The following COPG2 variants were observed in gnomAD, a reference collection of about 807,000 sequenced individuals.
The protein encoded by COPG2 is coat protein complex I subunit gamma 2, also known as coatomer subunit gamma-2.
In COPG2, 37 loss-of-function variants were observed where a neutral mutation model predicts 46.3. That is an observed-to-expected ratio of 0.80 (90% CI 0.61 to 1.05). The LOEUF (loss-of-function observed/expected upper bound fraction) is 1.05, where lower values mean the gene tolerates loss of function less well. Ranked by LOEUF, COPG2 falls within the 50% of genes least tolerant of loss-of-function variation. The pLI, the probability that COPG2 is intolerant of heterozygous loss-of-function variation, is 0.00. For missense variants in COPG2, 427 were observed against 387.8 expected (o/e 1.10, Z -0.85); for synonymous variants, 159 against 129.7 (o/e 1.23, Z -1.53).
At position 130,591,092 on chromosome 7, in the gene COPG2, G is replaced by C. The variant is rs587687194; in HGVS notation, c.737+19861C>G. Among the ~76,000 whole-genome samples, 92 of 133,684 alleles carry C rather than the reference G, an allele frequency of 6.9e-4. 1 individual carries two copies. Among genetic ancestry groups the C allele is most frequent in the African/African-American group, 2.3e-3 (92 of 39,654 alleles). The allele number at this position is 133,684 out of a possible 152,430, so 87.7% of individuals were successfully genotyped here. On this transcript the variant is annotated intron_variant, in intron 9 of 23. Transcript: ENST00000425248. ...CAGCCGCCCCGTCCAGAAGGGAGGT[G>C]GGGGGGTCAGCCCCCCGCCCGGCCA...
chr7:130,555,689 T>C (rs1478017261), intron 12 of COPG2, among the ~76,000 whole-genome samples: 1 of 151,850 alleles, frequency 6.6e-6, no homozygotes, highest in Non-Finnish European at 1.5e-5. Context: ...ATTAGCCAGG[T>C]GTGGTGGCGT....
intron 12 of COPG2, among the ~76,000 whole-genome samples, chr7:130,560,799 A>C: frequency 6.6e-6 from 1 of 152,378 alleles, no homozygotes; most frequent in South Asian, 2.1e-4. Flanking sequence ...ACAGTAATTC[A>C]AGTTGGATCA....
chr7:130,665,894 T>C (rs991878602), intron 3 of COPG2, among the ~76,000 whole-genome samples: 4 of 151,386 alleles, frequency 2.6e-5, no homozygotes, highest in Non-Finnish European at 5.9e-5. Context: ...AAGCAGAATC[T>C]ACATTTCATG....
intron 9 of COPG2, chr7:130,610,702 C>T (rs1165001557): frequency 8.1e-6 from 5 of 619,352 alleles, no homozygotes; most frequent in African/African-American, 1.8e-5. Context: ...ATCTTATGAT[C>T]AATGCATATA....
chr7:130,540,697 CT>C (rs1347089683), intron 20 of COPG2, among the ~76,000 whole-genome samples: 4 of 151,966 alleles, frequency 2.6e-5, no homozygotes, highest in African/African-American at 9.7e-5. Flanking sequence ...ATGGCAAGTA[CT>C]AGAATGCCAC....
intron 19 of COPG2, among the ~76,000 whole-genome samples, chr7:130,548,147 G>A (rs1793474807): frequency 3.9e-5 from 6 of 152,136 alleles, no homozygotes. Flanking sequence ...GTTAAATGCT[G>A]ATTTTAGAAA....
intron 9 of COPG2, chr7:130,610,078 T>A (rs538881702): frequency 1.9e-6 from 1 of 519,584 alleles, no homozygotes; most frequent in African/African-American, 1.9e-5. Context: ...TACTGACTAT[T>A]TTTTTCCCTC....
chr7:130,554,705 C>T lies in COPG2; in HGVS notation c.1244G>A (p.Arg415Gln), dbSNP rs1406144547. The stretch of plus-strand genomic sequence containing the variant: ...GCTGATTATACAGTCCACAATGGCC[C>T]GCTTGTACTCAAAGCCTCCCTGGCA... The part of the protein sequence containing the change: ...LRDDGGFEYK[R>Q]AIVDCIISIV... The change falls in exon 14 of 24, where the codon CGG (arginine) becomes CAG (glutamine). Residue 415 changes from arginine to glutamine, a missense_variant. Coordinates refer to ENST00000425248, the MANE Select transcript of COPG2 (RefSeq NM_012133.6). 6 of 398,400 alleles carry T rather than the reference C, an allele frequency of 1.5e-5. No individual in the cohort carries two copies. The highest frequency in any genetic ancestry group is 4.1e-5 in the African/African-American group (2 of 48,598). The allele number at this position is 398,400 out of a possible 1,614,324, so 24.7% of individuals were successfully genotyped here. A position where few individuals can be genotyped will look rare whatever the true frequency, so the allele number is the denominator to read the frequency against.
intron 5 of COPG2, among the ~76,000 whole-genome samples, chr7:130,631,172 C>CT (rs55966949): frequency 0.14 from 14,161 of 102,206 alleles, 956 homozygotes; most frequent in East Asian, 0.26. Flanking sequence ...TTTTTCTTTT[C>CT]TTTTTTTTTT....
intron 9 of COPG2, among the ~76,000 whole-genome samples, chr7:130,579,271 TA>T (rs1332304157): frequency 6.8e-6 from 1 of 147,648 alleles, no homozygotes; most frequent in Non-Finnish European, 1.5e-5. Flanking sequence ...GAAGAAGAAA[TA>T]AAATACTTTA....
At chr7:130,584,836 C>T (rs1277896944) in intron 9 of COPG2, among the ~76,000 whole-genome samples, 2 of 152,018 alleles carry the variant, frequency 1.3e-5, no homozygotes, top group Non-Finnish European at 2.9e-5. Context: ...AAACACATCC[C>T]ATGCTCATGG....
intron 4 of COPG2, among the ~76,000 whole-genome samples, chr7:130,658,612 A>T (rs1795904564): frequency 6.6e-6 from 1 of 152,248 alleles, no homozygotes; most frequent in African/African-American, 2.4e-5. Context: ...AATATTTACA[A>T]AACATCTGTC....
rs1031924269 is a variant in COPG2, at chr7:130,562,368, T to A, written c.939+901A>T. 9.2e-5 allele frequency among the ~76,000 whole-genome samples: 14 copies of A among 152,136 alleles called. No individual in the cohort carries two copies. The South Asian group carries it at 2.5e-3, about 27-fold the overall frequency. ...AGTGAGACTCTGTCTCCAAAAAAAA[T>A]AAATAAATAAAAAACCATTTAAATT... On this transcript the variant is annotated intron_variant, in intron 11 of 23. Coordinates refer to ENST00000425248, the MANE Select transcript of COPG2 (RefSeq NM_012133.6).
chr7:130,525,767 AT>A (rs1799768082), intron 20 of COPG2, among the ~76,000 whole-genome samples: 1 of 152,184 alleles, frequency 6.6e-6, no homozygotes, highest in African/African-American at 2.4e-5. Context: ...GGGACAGAGT[AT>A]GGCCAAGGAC....
At chr7:130,532,728 G>A (rs1038229496) in intron 20 of COPG2, among the ~76,000 whole-genome samples, 14 of 152,174 alleles carry the variant, frequency 9.2e-5, no homozygotes, top group Non-Finnish European at 1.9e-4. Flanking sequence ...AGTCAGGGTT[G>A]TGGTGTGCTG....
chr7:130,511,668 A>G (rs782235549), intron 20 of COPG2: 2 of 514,516 alleles, frequency 3.9e-6, no homozygotes, highest in South Asian at 1.4e-5. Flanking sequence ...ATGAAATAAG[A>G]GACTGGAAGC....
chr7:130,553,514 G>A (rs1793567594), intron 14 of COPG2, among the ~76,000 whole-genome samples: 1 of 152,032 alleles, frequency 6.6e-6, no homozygotes, highest in Non-Finnish European at 1.5e-5. Flanking sequence ...GAACAGATAG[G>A]GGCTGTAAGG....
At chr7:130,648,287 T>C (rs1269575113) in intron 5 of COPG2, among the ~76,000 whole-genome samples, 1 of 152,188 alleles carries the variant, frequency 6.6e-6, no homozygotes, top group Non-Finnish European at 1.5e-5. Flanking sequence ...TTCAGTTCTG[T>C]AGATTAGAAG....
intron 4 of COPG2, among the ~76,000 whole-genome samples, chr7:130,658,768 C>A (rs564233890): frequency 6.6e-6 from 1 of 152,012 alleles, no homozygotes; most frequent in Admixed American, 6.5e-5. Context: ...GCAATCTCCC[C>A]CTCCTGGGTT....
Sources: gnomAD v4.1 joint callset for allele counts (sites outside exome capture counted in the v4.1 genomes callset) on GRCh38, gnomAD v4.1.1 for gene constraint, MANE v1.5 for transcripts, NCBI Gene and HGNC (gene_info 2026-07-23, HGNC 2026-07-21) for gene names.